Variants in IQCH observed in about 807,000 individuals in gnomAD.
IQCH encodes the protein IQ motif containing H, also known as IQ domain-containing protein H.
In IQCH, 98 loss-of-function variants were observed where a neutral mutation model predicts 117.0. The observed-to-expected ratio is 0.84, with a 90% CI of 0.71 to 0.99. The LOEUF is 0.99. Among genes scored for constraint, IQCH ranks in the 50% least tolerant of loss-of-function variants. IQCH has a pLI of 0.00. For missense variants in IQCH, 1,102 were observed against 1,243.8 expected (o/e 0.89, Z 1.72); for synonymous variants, 412 against 448.2 (o/e 0.92, Z 1.02).
intron 3 of IQCH, among the ~76,000 whole-genome samples, chr15:67,270,043 T>G (rs1452224678): frequency 6.6e-6 from 1 of 152,174 alleles, no homozygotes; most frequent in Non-Finnish European, 1.5e-5. Flanking sequence ...TATTTTTAGT[T>G]TTTTGAGGCA....
At chr15:67,347,415 T>C (rs912547829) in intron 6 of IQCH, among the ~76,000 whole-genome samples, 6 of 152,170 alleles carry the variant, frequency 3.9e-5, no homozygotes, top group Non-Finnish European at 8.8e-5. Context: ...GCCTATAATG[T>C]TGACAGTTTA....
chr15:67,451,127 A>G (rs1230046311), intron 16 of IQCH, among the ~76,000 whole-genome samples: 1 of 152,010 alleles, frequency 6.6e-6, no homozygotes, highest in East Asian at 1.9e-4. Context: ...CTTCTTTATT[A>G]GTCTTGCTAG....
chr15:67,465,663 A>G lies in IQCH; in HGVS notation c.2676+366A>G, dbSNP rs2082912718. Among the ~76,000 whole-genome samples the G allele has an allele frequency of 6.6e-6, 1 of 152,096 alleles. No individual in the cohort carries two copies. The highest frequency in any genetic ancestry group is 2.1e-4 in the South Asian group (1 of 4,824). On this transcript the variant is annotated intron_variant, in intron 17 of 20. Coordinates refer to ENST00000335894, the MANE Select transcript of IQCH (RefSeq NM_001031715.3). The surrounding 1 kb of genome is among the most constrained non-coding windows in gnomAD (Gnocchi z 5.9). Reference sequence around the variant, plus strand: ...GATTCATGGGTCCAAAATTCTATAGAACATCTCTGCTTCGAATCCTCAGAG... The same window carrying G: ...GATTCATGGGTCCAAAATTCTATAGGACATCTCTGCTTCGAATCCTCAGAG...
intron 4 of IQCH, among the ~76,000 whole-genome samples, chr15:67,316,574 TA>T (rs1239270626): frequency 6.6e-6 from 1 of 152,210 alleles, no homozygotes; most frequent in Non-Finnish European, 1.5e-5. Context: ...AATTTAGCTA[TA>T]AAGCAATAGC....
rs759497505 is a variant in IQCH, at chr15:67,279,527, A to G, written c.387+15A>G. On this transcript the variant is annotated intron_variant, in intron 4 of 20. Transcript: ENST00000335894. ...CAAGAGCAAAGGTAGGTATAGAGAA[A>G]TTCATAGAGACAGAAAGTAGTTTAG... 2.8e-5 allele frequency: 41 copies of G among 1,449,414 alleles called. No homozygotes were observed. Among genetic ancestry groups the G allele is most frequent in the Admixed American group, 1.3e-4 (7 of 54,376 alleles). 89.8% of individuals were successfully genotyped at this position (1,449,414 alleles called of 1,614,324 possible).
At chr15:67,400,491 C>CTTCTTTTTTTTT (rs1971612981) in intron 14 of IQCH, among the ~76,000 whole-genome samples, 186 bp downstream of exon 14, 1 of 115,600 alleles carries the variant, frequency 8.7e-6, no homozygotes, top group African/African-American at 3.2e-5. Flanking sequence ...TCTTTTTTTT[C>CTTCTTTTTTTTT]TTTTTTTTTT....
chr15:67,283,934 A>G (rs1023348024), intron 4 of IQCH, among the ~76,000 whole-genome samples: 1 of 152,136 alleles, frequency 6.6e-6, no homozygotes, highest in East Asian at 1.9e-4. Context: ...GTGGGTGTAC[A>G]TATGTATGGG....
At chr15:67,379,977 C>A (rs1434669152) in intron 10 of IQCH, among the ~76,000 whole-genome samples, 1 of 152,148 alleles carries the variant, frequency 6.6e-6, no homozygotes, top group Non-Finnish European at 1.5e-5. Flanking sequence ...CTCAGCCTCC[C>A]AAGTAGCTGA....
At position 67,381,266 on chromosome 15, in the gene IQCH, T is replaced by C. The variant is rs1408818880; in HGVS notation, c.1373-3670T>C. On this transcript the variant is annotated intron_variant, in intron 10 of 20. Transcript: ENST00000335894. This position sits in a 1 kb window ranked among gnomAD's most constrained non-coding sequence, Gnocchi z 5.1. ...AAGGCTGTGAAGGTAGAAGTGAAGATGGAGAAATGATTGCCAGTAACCCTT... is the reference window on the plus strand; with the variant it reads ...AAGGCTGTGAAGGTAGAAGTGAAGACGGAGAAATGATTGCCAGTAACCCTT... Among the ~76,000 whole-genome samples, 1 of 152,226 alleles carries C rather than the reference T, an allele frequency of 6.6e-6. No individual in the cohort carries two copies. Among genetic ancestry groups the C allele is most frequent in the Non-Finnish European group, 1.5e-5 (1 of 68,034 alleles).
intron 4 of IQCH, among the ~76,000 whole-genome samples, chr15:67,291,789 C>T (rs979736917): frequency 6.6e-6 from 1 of 152,114 alleles, no homozygotes; most frequent in African/African-American, 2.4e-5. Context: ...AAGAGAATGC[C>T]TACAAGGATC....
intron 4 of IQCH, among the ~76,000 whole-genome samples, chr15:67,290,499 C>T (rs929720608): frequency 2.0e-5 from 3 of 152,024 alleles, no homozygotes; most frequent in African/African-American, 7.2e-5. Context: ...CTGAGTTGCA[C>T]AATTGCATCA....
At chr15:67,275,151 C>G (rs142591559) in intron 3 of IQCH, among the ~76,000 whole-genome samples, 14 of 152,296 alleles carry the variant, frequency 9.2e-5, no homozygotes, top group Admixed American at 3.9e-4. Flanking sequence ...GATATTTGTC[C>G]CTTCAAGTAC....
At position 67,496,746 on chromosome 15, in the gene IQCH, C is replaced by T. The variant is rs951990807; in HGVS notation, c.2970+2380C>T. On this transcript the variant is annotated intron_variant, in intron 20 of 20. Coordinates refer to ENST00000335894, the MANE Select transcript of IQCH (RefSeq NM_001031715.3). The surrounding 1 kb of genome is among the most constrained non-coding windows in gnomAD (Gnocchi z 4.4). Reference sequence around the variant, plus strand: ...TAAAAGTAAAAGTATCGGCCGGGCACGGTGGCTCACGCCTGTAATCCCAGC... The same window carrying T: ...TAAAAGTAAAAGTATCGGCCGGGCATGGTGGCTCACGCCTGTAATCCCAGC... Among the ~76,000 whole-genome samples, 7 of 152,008 alleles carry T rather than the reference C, an allele frequency of 4.6e-5. No individual in the cohort carries two copies. Among genetic ancestry groups the T allele is most frequent in the African/African-American group, 1.4e-4 (6 of 41,404 alleles).
At chr15:67,272,212 A>C (rs1240452573) in intron 3 of IQCH, among the ~76,000 whole-genome samples, 1 of 152,078 alleles carries the variant, frequency 6.6e-6, no homozygotes, top group South Asian at 2.1e-4. Flanking sequence ...GTGTTTCTGT[A>C]GTTTCCAAGG....
intron 4 of IQCH, among the ~76,000 whole-genome samples, chr15:67,295,579 G>T (rs148947472): frequency 1.3e-5 from 2 of 152,122 alleles, no homozygotes; most frequent in African/African-American, 4.8e-5. Context: ...GCTAGGAGGC[G>T]TCTGCTCCTT....
intron 4 of IQCH, among the ~76,000 whole-genome samples, chr15:67,301,166 T>A (rs572904750): frequency 2.0e-5 from 3 of 152,270 alleles, no homozygotes; most frequent in Admixed American, 1.3e-4. Flanking sequence ...TTTATCTTAC[T>A]GTTGGTAAAA....
In IQCH at chr15:67,494,200, T is replaced by C; in HGVS notation, c.2862-58T>C. On this transcript the variant is annotated intron_variant, in intron 19 of 20. Transcript: ENST00000335894. This position sits in a 1 kb window ranked among gnomAD's most constrained non-coding sequence, Gnocchi z 5.5. ...ACAGGCACAAATGAGAGGGCGATTG[T>C]TTTTAAGCATGTGAAGGGAATCGTT... The C allele has an allele frequency of 7.9e-7, 1 of 1,265,076 alleles. No homozygotes were observed. The highest frequency in any genetic ancestry group is 1.1e-6 in the Non-Finnish European group (1 of 910,794). 78.4% of individuals were successfully genotyped at this position (1,265,076 alleles called of 1,614,324 possible).
chr15:67,488,439 T>C lies in IQCH; in HGVS notation c.2800-1564T>C, dbSNP rs575822727. Among the ~76,000 whole-genome samples, 14 of 152,300 alleles carry C rather than the reference T, an allele frequency of 9.2e-5. No individual in the cohort carries two copies. The East Asian group carries it at 2.7e-3, about 29-fold the overall frequency. On this transcript the variant is annotated intron_variant, in intron 18 of 20. Transcript: ENST00000335894. ...TTGAAATTTGCACATGGAGGCAAAA[T>C]AGGTTTTTCCACAAGGGGAACAGGA...
Position 67,323,967 on chromosome 15 carries a change from G to A in IQCH, c.388-13008G>A, listed in dbSNP as rs183518798. Among the ~76,000 whole-genome samples, 79 of 115,232 alleles carry A rather than the reference G, an allele frequency of 6.9e-4. 1 individual carries two copies. The highest frequency in any genetic ancestry group is 5.9e-3 in the Admixed American group (55 of 9,400). The allele number at this position is 115,232 out of a possible 152,430, so 75.6% of individuals were successfully genotyped here. A position where few individuals can be genotyped will look rare whatever the true frequency, so the allele number is the denominator to read the frequency against. ...TTTTTTTTTTTTTTTTTTTTGAGAT[G>A]GAGTCTTGCTCTGTTACCCCGGCTG... On this transcript the variant is annotated intron_variant, in intron 4 of 20. Coordinates refer to ENST00000335894, the MANE Select transcript of IQCH (RefSeq NM_001031715.3).
Sources: gnomAD v4.1 joint callset for allele counts (sites outside exome capture counted in the v4.1 genomes callset) on GRCh38, gnomAD v4.1.1 for gene constraint, Gnocchi (gnomAD v3.1) non-coding constraint, MANE v1.5 for transcripts, NCBI Gene and HGNC (gene_info 2026-07-23, HGNC 2026-07-21) for gene names.